The following OLA1 variants were observed in gnomAD, a reference collection of about 807,000 sequenced individuals.
OLA1 encodes Obg like ATPase 1.
OLA1 carries 14 observed loss-of-function variants against 48.4 expected under a neutral mutation model. That is an observed-to-expected ratio of 0.29 (90% CI 0.19 to 0.45). OLA1 has a LOEUF of 0.45. OLA1 is among the 20% of genes least tolerant of loss of function. The pLI, the probability that OLA1 is intolerant of heterozygous loss-of-function variation, is 1.00. For missense variants in OLA1, 325 were observed against 467.1 expected (o/e 0.70, Z 2.80); for synonymous variants, 127 against 150.4 (o/e 0.84, Z 1.14).
At chr2:174,146,664 A>G (rs1686608014) in intron 4 of OLA1, among the ~76,000 whole-genome samples, 1 of 152,198 alleles carries the variant, frequency 6.6e-6, no homozygotes, top group Non-Finnish European at 1.5e-5. Flanking sequence ...TCAGAGAAAA[A>G]CTAGGAGTAT....
At chr2:174,230,083 T>G (rs2105456519) in intron 2 of OLA1, among the ~76,000 whole-genome samples, 1 of 152,306 alleles carries the variant, frequency 6.6e-6, no homozygotes, top group Middle Eastern at 3.4e-3. Context: ...GTCACTACTT[T>G]TCTAATCATT....
At chr2:174,247,801 C>A in intron 1 of OLA1, 1 of 1,549,410 alleles carries the variant, frequency 6.5e-7, no homozygotes, top group Non-Finnish European at 8.7e-7. Context: ...TCGACGGAAC[C>A]TTTTTATTTA....
chr2:174,235,391 T>C lies in OLA1; in HGVS notation c.102-5940A>G, dbSNP rs1574571407. 2.0e-5 allele frequency among the ~76,000 whole-genome samples: 3 copies of C among 152,276 alleles called. No homozygotes were observed. The East Asian group carries it at 5.8e-4, about 29-fold the overall frequency. Reference sequence around the variant, plus strand: ...AAGCAGACAGTAAGATTTAAATTCATTTAAAATGGTTTTGGGGAGTTTTGC... The same window carrying C: ...AAGCAGACAGTAAGATTTAAATTCACTTAAAATGGTTTTGGGGAGTTTTGC... On this transcript the variant is annotated intron_variant, in intron 2 of 10. Transcript: ENST00000284719.
chr2:174,171,603 G>A lies in OLA1; in HGVS notation c.374-29603C>T, dbSNP rs544338711. Reference sequence around the variant, plus strand: ...TATAACCTATCAACGTATGTGGGATGCAGCTAAAGCAGTGCTTAGAGAGAA... The same window carrying A: ...TATAACCTATCAACGTATGTGGGATACAGCTAAAGCAGTGCTTAGAGAGAA... On this transcript the variant is annotated intron_variant, in intron 4 of 10. Coordinates refer to ENST00000284719, the MANE Select transcript of OLA1 (RefSeq NM_013341.5). Among the ~76,000 whole-genome samples the A allele has an allele frequency of 5.3e-5, 8 of 152,360 alleles. No homozygotes were observed. The South Asian group carries it at 1.7e-3, about 32-fold the overall frequency.
intron 7 of OLA1, among the ~76,000 whole-genome samples, chr2:174,115,077 C>A (rs947396992): frequency 2.0e-5 from 3 of 151,886 alleles, no homozygotes; most frequent in South Asian, 2.1e-4. Flanking sequence ...GAGAGTGAGA[C>A]CCTGTCTCTG....
intron 4 of OLA1, among the ~76,000 whole-genome samples, chr2:174,209,548 C>G (rs1688196469): frequency 6.6e-6 from 1 of 150,882 alleles, no homozygotes; most frequent in East Asian, 1.9e-4. Flanking sequence ...AACATCAACT[C>G]CAAAGGAGCA....
chr2:174,193,287 AC>A lies in OLA1; in HGVS notation c.373+29745del, dbSNP rs1574541822. On this transcript the variant is annotated intron_variant, in intron 4 of 10. Coordinates refer to ENST00000284719, the MANE Select transcript of OLA1 (RefSeq NM_013341.5). Reference sequence around the variant, plus strand: ...GTATTTTTAGCAGAGATGAGGTTTCACCATGTTGACCAGGCTGGTCTTAAAC... The same window carrying A: ...GTATTTTTAGCAGAGATGAGGTTTCACATGTTGACCAGGCTGGTCTTAAAC... 2.0e-5 allele frequency among the ~76,000 whole-genome samples: 3 copies of A among 151,968 alleles called. No homozygotes were observed. In the East Asian group the frequency reaches 5.8e-4, roughly 29 times the overall value.
intron 2 of OLA1, among the ~76,000 whole-genome samples, chr2:174,232,537 C>T (rs543915398): frequency 6.6e-6 from 1 of 152,240 alleles, no homozygotes; most frequent in African/African-American, 2.4e-5. Flanking sequence ...CAGCAATGAT[C>T]ACACCTAGAG....
intron 4 of OLA1, 108 bp downstream of exon 4, chr2:174,222,925 T>C (rs1157129255): frequency 1.7e-6 from 2 of 1,184,418 alleles, no homozygotes; most frequent in African/African-American, 3.1e-5. Context: ...ATTCATCTGG[T>C]AAAGCAAAGC....
intron 4 of OLA1, among the ~76,000 whole-genome samples, chr2:174,152,283 T>C (rs1268546001): frequency 6.6e-6 from 1 of 152,114 alleles, no homozygotes; most frequent in Non-Finnish European, 1.5e-5. Context: ...GTGCCTGTAG[T>C]ACCAGCTACT....
chr2:174,188,166 G>A (rs1024173982), intron 4 of OLA1, among the ~76,000 whole-genome samples: 1 of 152,052 alleles, frequency 6.6e-6, no homozygotes, highest in African/African-American at 2.4e-5. Context: ...CTTATAGAAG[G>A]ACTAGAACAA....
At chr2:174,196,555 T>G (rs1687881428) in intron 4 of OLA1, among the ~76,000 whole-genome samples, 1 of 152,238 alleles carries the variant, frequency 6.6e-6, no homozygotes, top group Non-Finnish European at 1.5e-5. Context: ...TTGGTGGTTG[T>G]AATTTAGATT....
chr2:174,115,217 G>A (rs1428060040), intron 7 of OLA1, among the ~76,000 whole-genome samples: 1 of 152,168 alleles, frequency 6.6e-6, no homozygotes, highest in Non-Finnish European at 1.5e-5. Context: ...ACACCGTAAG[G>A]CTCTAGACAA....
intron 2 of OLA1, among the ~76,000 whole-genome samples, chr2:174,233,609 A>T (rs947024728): frequency 1.2e-4 from 18 of 152,174 alleles, no homozygotes; most frequent in African/African-American, 4.3e-4. Context: ...TCCTGAACTC[A>T]AGTGATCCTC....
chr2:174,149,570 T>C (rs1345188230), intron 4 of OLA1, among the ~76,000 whole-genome samples: 2 of 152,194 alleles, frequency 1.3e-5, no homozygotes, highest in Non-Finnish European at 2.9e-5. Context: ...AAAATGTCAA[T>C]GCTTACTCTA....
intron 5 of OLA1, among the ~76,000 whole-genome samples, chr2:174,130,765 T>C (rs977397986): frequency 1.3e-5 from 2 of 152,108 alleles, no homozygotes; most frequent in African/African-American, 4.8e-5. Context: ...TAAAAATGAC[T>C]GAGAAACAAA....
chr2:174,170,116 C>T (rs1687260610), intron 4 of OLA1, among the ~76,000 whole-genome samples: 1 of 152,140 alleles, frequency 6.6e-6, no homozygotes, highest in African/African-American at 2.4e-5. Flanking sequence ...GCCTGTAGTC[C>T]CAGCTACTCC....
In OLA1 at chr2:174,160,382, T is replaced by C. The variant is rs536729923; in HGVS notation, c.374-18382A>G. On this transcript the variant is annotated intron_variant, in intron 4 of 10. Coordinates refer to ENST00000284719, the MANE Select transcript of OLA1 (RefSeq NM_013341.5). ...ATTTCAGAAATGCATTAACAAGGCA[T>C]ATAAATGCCAGTACATTTCAAACAA... Among the ~76,000 whole-genome samples, 5 of 152,332 alleles carry C rather than the reference T, an allele frequency of 3.3e-5. No individual in the cohort carries two copies. In the South Asian group the frequency reaches 1.0e-3, roughly 32 times the overall value.
intron 2 of OLA1, among the ~76,000 whole-genome samples, chr2:174,234,906 C>T (rs1688810266): frequency 6.6e-6 from 1 of 152,144 alleles, no homozygotes; most frequent in Non-Finnish European, 1.5e-5. Context: ...AGCCTGTAAT[C>T]CCAGCATTTT....
Sources: allele counts gnomAD v4.1 joint callset (sites outside exome capture counted in the v4.1 genomes callset), GRCh38; gene constraint gnomAD v4.1.1; transcripts MANE v1.5; gene names NCBI Gene and HGNC (gene_info 2026-07-23, HGNC 2026-07-21).